The following SLC39A14 variants were observed in gnomAD, a reference collection of about 807,000 sequenced individuals.
SLC39A14 encodes the protein solute carrier family 39 member 14.
A neutral mutation model predicts 45.5 loss-of-function variants in SLC39A14; 19 were observed. The ratio of observed to expected loss-of-function variants is 0.42; its 90% CI spans 0.29 to 0.61. The LOEUF is 0.61. Among genes scored for constraint, SLC39A14 ranks in the 20% least tolerant of loss-of-function variants. The pLI is 0.22. For missense variants in SLC39A14, 447 were observed against 616.5 expected, an observed-to-expected ratio of 0.73 and a Z score of 2.91; for synonymous variants, 264 against 251.3, an observed-to-expected ratio of 1.05 and a Z score of -0.48.
At chr8:22,415,015 C>A in intron 5 of SLC39A14, 113 bp downstream of exon 5, 5 of 1,265,650 alleles carry the variant, frequency 4.0e-6, no homozygotes, top group African/African-American at 1.5e-5. Flanking sequence ...TCACAATTTC[C>A]GTGAAACTCT....
intron 1 of SLC39A14, among the ~76,000 whole-genome samples, chr8:22,397,293 T>C (rs1834545197): frequency 6.6e-6 from 1 of 151,998 alleles, no homozygotes; most frequent in Non-Finnish European, 1.5e-5. Flanking sequence ...TAAGACCTCC[T>C]CCTGGCCGGG....
intron 1 of SLC39A14, among the ~76,000 whole-genome samples, chr8:22,404,348 A>C (rs1352904163): frequency 6.7e-6 from 1 of 149,516 alleles, no homozygotes; most frequent in East Asian, 2.0e-4. Flanking sequence ...AATCACTTGA[A>C]CCCAGGAGGC....
chr8:22,404,611 A>G, intron 1 of SLC39A14, 85 bp from the exon 2 acceptor site: 1 of 1,298,050 alleles, frequency 7.7e-7, no homozygotes, highest in Non-Finnish European at 1.1e-6. Flanking sequence ...TAGTCTCAAC[A>G]TGTTCAGTGT....
At chr8:22,406,003 C>A (rs1835187016) in intron 2 of SLC39A14, among the ~76,000 whole-genome samples, 1 of 152,208 alleles carries the variant, frequency 6.6e-6, no homozygotes, top group African/African-American at 2.4e-5. Context: ...TCAGCAGGCA[C>A]TGAAATGAAG....
intron 1 of SLC39A14, among the ~76,000 whole-genome samples, chr8:22,388,396 G>A (rs1021160804): frequency 3.9e-5 from 6 of 152,150 alleles, no homozygotes; most frequent in Admixed American, 6.5e-5. Flanking sequence ...GGGATGGAGG[G>A]GTAGGACATT....
Position 22,416,298 on chromosome 8 carries a change from G to T in SLC39A14, c.1147+18G>T, listed in dbSNP as rs199563558. 6.2e-7 allele frequency: 1 copy of T among 1,608,156 alleles called. No homozygotes were observed. The highest frequency in any genetic ancestry group is 8.5e-7 in the Non-Finnish European group (1 of 1,176,456). ...TGAGCTAGGTAAGCGTGCGTCCCCC[G>T]TTCCACTGGTGCTCCCTTGGGTGGT... On this transcript the variant is annotated intron_variant, in intron 7 of 8. Coordinates refer to ENST00000381237, the MANE Select transcript of SLC39A14 (RefSeq NM_001128431.4).
intron 3 of SLC39A14, among the ~76,000 whole-genome samples, chr8:22,409,529 C>G (rs908804664): frequency 2.6e-5 from 4 of 152,032 alleles, no homozygotes; most frequent in African/African-American, 9.7e-5. Flanking sequence ...ATTTCAGGCA[C>G]GCGCCACCAC....
intron 3 of SLC39A14, chr8:22,409,868 G>C (rs1372489589): frequency 2.8e-5 from 43 of 1,525,444 alleles, no homozygotes; most frequent in Non-Finnish European, 1.6e-5. Context: ...CCTGAATTCA[G>C]AACAGGGCCG....
At chr8:22,374,583 A>G (rs904090693) in intron 1 of SLC39A14, among the ~76,000 whole-genome samples, 1 of 146,912 alleles carries the variant, frequency 6.8e-6, no homozygotes, top group South Asian at 2.2e-4. Flanking sequence ...GCTGAGAGGG[A>G]GCAGCAAGTG....
rs143974013 is a variant in SLC39A14 at position 22,433,061 on chromosome 8, C to T, written c.1333-830C>T. On this transcript the variant is annotated intron_variant, in intron 8 of 8. Transcript: ENST00000240095. ...TCAAGCGATCCTTGTGCCTCAGCCT[C>T]CCAAAGTGCTGGGATTACAGTCATG... Among the ~76,000 whole-genome samples the T allele has an allele frequency of 4.4e-3, 669 of 152,242 alleles. 3 individuals are homozygous for T. The highest frequency in any genetic ancestry group is 0.014 in the African/African-American group (575 of 41,544).
chr8:22,392,736 G>T (rs1434770305), intron 1 of SLC39A14: 1 of 152,232 alleles, frequency 6.6e-6, no homozygotes, highest in Non-Finnish European at 1.5e-5. Flanking sequence ...AGTCCCCTTT[G>T]CTCCAGCTCC....
At chr8:22,431,577 G>C (rs535595413) in intron 8 of SLC39A14, among the ~76,000 whole-genome samples, 1 of 152,152 alleles carries the variant, frequency 6.6e-6, no homozygotes, top group Non-Finnish European at 1.5e-5. Flanking sequence ...TTTAGGAAGC[G>C]CTTAGGGAGT....
At chr8:22,379,537 G>A (rs908026658) in intron 1 of SLC39A14, 1 of 152,264 alleles carries the variant, frequency 6.6e-6, no homozygotes, top group African/African-American at 2.4e-5. Context: ...CTGGCCTAGA[G>A]GCCCTGTGTC....
Position 22,421,947 on chromosome 8 carries a change from T to A in SLC39A14, c.*2249T>A. The A allele has an allele frequency of 1.0e-6, 1 of 985,426 alleles. No individual in the cohort carries two copies. Among genetic ancestry groups the A allele is most frequent in the African/African-American group, 1.7e-5 (1 of 57,358 alleles). 61.0% of individuals were successfully genotyped at this position (985,426 alleles called of 1,614,324 possible). ...TCAAAGGGAAATCCTCTTTAAACCGTAGTTGGCGCAGAGGTCAGTCCTAGT... is the reference window on the plus strand; with the variant it reads ...TCAAAGGGAAATCCTCTTTAAACCGAAGTTGGCGCAGAGGTCAGTCCTAGT... On this transcript the variant is annotated 3_prime_UTR_variant, in exon 9 of 9. Transcript: ENST00000381237.
At chr8:22,417,291 T>C (rs1835944220) in intron 7 of SLC39A14, among the ~76,000 whole-genome samples, 1 of 152,230 alleles carries the variant, frequency 6.6e-6, no homozygotes, top group Non-Finnish European at 1.5e-5. Context: ...TGGTCATCTA[T>C]TTTTAAAATC....
chr8:22,380,517 T>G (rs11136017), intron 1 of SLC39A14, among the ~76,000 whole-genome samples: 87,770 of 151,878 alleles, frequency 0.58, 26,752 homozygotes, highest in East Asian at 0.79. Context: ...GGCCTCAGTG[T>G]TGCCACTGGG....
chr8:22,373,133 C>G (rs193134629), intron 1 of SLC39A14, among the ~76,000 whole-genome samples: 4,720 of 151,778 alleles, frequency 0.031, 242 homozygotes, highest in African/African-American at 0.11. Context: ...TGTGGTGGTG[C>G]ACGCCTGTAG....
At position 22,420,122 on chromosome 8, in the gene SLC39A14, ACT is replaced by A. The variant is rs1270678434; in HGVS notation, c.*427_*428del. The stretch of plus-strand genomic sequence containing the variant: ...TTGAATCCATAGTGTGGGGCCCATG[ACT>A]CTAGCTGGGCACCTTGGACCTCCAG... On this transcript the variant is annotated 3_prime_UTR_variant, in exon 9 of 9. Transcript: ENST00000381237. The A allele has an allele frequency of 1.0e-6, 1 of 987,254 alleles. No homozygotes were observed. Among genetic ancestry groups the A allele is most frequent in the African/African-American group, 1.7e-5 (1 of 57,290 alleles). The allele number at this position is 987,254 out of a possible 1,614,324, so 61.2% of individuals were successfully genotyped here. A position where few individuals can be genotyped will look rare whatever the true frequency, so the allele number is the denominator to read the frequency against.
At chr8:22,376,689 C>G (rs892360417) in intron 1 of SLC39A14, among the ~76,000 whole-genome samples, 1 of 152,040 alleles carries the variant, frequency 6.6e-6, no homozygotes, top group Non-Finnish European at 1.5e-5. Flanking sequence ...ACCAGCCTAG[C>G]CAACATGGTG....
Sources: allele counts gnomAD v4.1 joint callset (sites outside exome capture counted in the v4.1 genomes callset), GRCh38; gene constraint gnomAD v4.1.1; transcripts MANE v1.5; gene names NCBI Gene and HGNC (gene_info 2026-07-23, HGNC 2026-07-21).